Variants in MIS18BP1 observed in about 807,000 individuals in gnomAD.
MIS18BP1 encodes MIS18 binding protein 1, also known as mis18-binding protein 1.
A neutral mutation model predicts 116.1 loss-of-function variants in MIS18BP1; 72 were observed. That is an observed-to-expected ratio of 0.62 (90% CI 0.51 to 0.75). The LOEUF (loss-of-function observed/expected upper bound fraction) is 0.75, where lower values mean the gene tolerates loss of function less well. MIS18BP1 is among the 30% of genes least tolerant of loss of function. The pLI, the probability that MIS18BP1 is intolerant of heterozygous loss-of-function variation, is 0.00. For missense variants in MIS18BP1, 1,363 were observed against 1,303.2 expected, an observed-to-expected ratio of 1.05 and a Z score of -0.71; for synonymous variants, 386 against 427.0, an observed-to-expected ratio of 0.90 and a Z score of 1.18.
At chr14:45,216,912 G>A (rs1890833544) in intron 13 of MIS18BP1, 107 bp downstream of exon 13, 1 of 1,160,160 alleles carries the variant, frequency 8.6e-7, no homozygotes, top group Admixed American at 2.2e-5. Context: ...GTCTACGGAG[G>A]CTACTGATCC....
Position 45,215,993 on chromosome 14 carries a change from C to T in MIS18BP1, c.3003+1026G>A, listed in dbSNP as rs957253874. On this transcript the variant is annotated intron_variant, in intron 13 of 16. Transcript: ENST00000310806. The stretch of plus-strand genomic sequence containing the variant: ...TGCTGGGATTATAGGTGTGAGCCAC[C>T]GCACCTGTCCTTCAGCTAATCTTAA... Among the ~76,000 whole-genome samples the T allele has an allele frequency of 4.6e-5, 7 of 152,068 alleles. No individual in the cohort carries two copies. In the South Asian group the frequency reaches 1.2e-3, roughly 27 times the overall value.
intron 5 of MIS18BP1, among the ~76,000 whole-genome samples, chr14:45,236,992 A>G (rs1331213115): frequency 6.6e-6 from 1 of 151,220 alleles, no homozygotes; most frequent in African/African-American, 2.4e-5. Flanking sequence ...CTTACATATG[A>G]GTACCTTAAA....
intron 13 of MIS18BP1, among the ~76,000 whole-genome samples, chr14:45,214,287 G>A (rs1474352320): frequency 6.6e-6 from 1 of 152,354 alleles, no homozygotes; most frequent in East Asian, 1.9e-4. Flanking sequence ...TGAGATAGGA[G>A]AAAACCGCCT....
At chr14:45,235,463 C>T (rs917064612) in intron 6 of MIS18BP1, among the ~76,000 whole-genome samples, 4 of 151,176 alleles carry the variant, frequency 2.6e-5, no homozygotes, top group African/African-American at 9.7e-5. Context: ...TGGTGGCAGG[C>T]ACCTTAGTCC....
rs763039530 is a variant in MIS18BP1, at chr14:45,247,089, C to T, written c.198G>A (p.Met66Ile). The T allele has an allele frequency of 7.4e-6, 12 of 1,612,254 alleles. No individual in the cohort carries two copies. The highest frequency in any genetic ancestry group is 3.3e-4 in the Middle Eastern group (2 of 6,044). ...ATATATTTTTATTGTTAAAAGTTGT[C>T]ATTTTTAGGAACTGATTCTTTTTAT... Reference protein sequence around the residue: ...NDHKKNQFLKMTTFNNKNIFQ... With the variant: ...NDHKKNQFLKITTFNNKNIFQ... Residue 66 changes from methionine to isoleucine, a missense_variant, in exon 2 of 17, where the codon ATG becomes ATA. Met to Ile is a conservative substitution (Grantham distance 10, BLOSUM62 1). Transcript: ENST00000310806.
chr14:45,250,811 G>A (rs1891849281), intron 1 of MIS18BP1, among the ~76,000 whole-genome samples: 2 of 152,090 alleles, frequency 1.3e-5, no homozygotes, highest in South Asian at 4.1e-4. Context: ...GCGAATGACG[G>A]CGAATCACGA....
chr14:45,232,297 G>A (rs1055910605), intron 7 of MIS18BP1, among the ~76,000 whole-genome samples: 1 of 151,276 alleles, frequency 6.6e-6, no homozygotes, highest in Non-Finnish European at 1.5e-5. Context: ...GGCGCCTGTA[G>A]TCCCAGCTAC....
chr14:45,205,835 C>T (rs1890499774), intron 15 of MIS18BP1, among the ~76,000 whole-genome samples: 1 of 151,912 alleles, frequency 6.6e-6, no homozygotes, highest in Non-Finnish European at 1.5e-5. Flanking sequence ...TATATTTTTC[C>T]CACCCTTCAT....
chr14:45,219,483 G>A (rs1318071575), intron 11 of MIS18BP1, among the ~76,000 whole-genome samples: 1 of 151,484 alleles, frequency 6.6e-6, no homozygotes. Flanking sequence ...GAGGTGAAGA[G>A]TCTCAAGAGC....
At chr14:45,210,079 T>G (rs1594498463) in intron 14 of MIS18BP1, 1 of 216,548 alleles carries the variant, frequency 4.6e-6, no homozygotes, top group African/African-American at 2.3e-5. Flanking sequence ...ACTAATCTGG[T>G]ATTATAAAAT....
At chr14:45,217,894 C>A (rs1890867032) in intron 12 of MIS18BP1, among the ~76,000 whole-genome samples, 1 of 152,160 alleles carries the variant, frequency 6.6e-6, no homozygotes. Context: ...CATAATCAAC[C>A]TTTTACTAGT....
At chr14:45,205,959 ATTGTAAC>A (rs1890503833) in intron 15 of MIS18BP1, 117 bp downstream of exon 15, 1 of 597,414 alleles carries the variant, frequency 1.7e-6, no homozygotes, top group Non-Finnish European at 2.9e-6. Flanking sequence ...TGGCTTCATT[ATTGTAAC>A]TTGTTACATT....
At chr14:45,232,203 T>C (rs1891297442) in intron 7 of MIS18BP1, among the ~76,000 whole-genome samples, 2 of 149,748 alleles carry the variant, frequency 1.3e-5, no homozygotes, top group South Asian at 4.2e-4. Flanking sequence ...GATCAGGAGG[T>C]CAGGAGATCG....
At position 45,231,209 on chromosome 14, in the gene MIS18BP1, G is replaced by C; in HGVS notation, c.1526C>G (p.Ala509Gly). Residue 509 changes from alanine (A) to glycine (G), a missense_variant, in exon 8 of 17, where the codon GCA (alanine) becomes GGA (glycine). Ala to Gly is a moderately conservative substitution (Grantham distance 60). Transcript: ENST00000310806. Reference sequence around the variant, plus strand: ...AGCAGTATCTGTTTGGTTTTCTCGTGCATCATTTTTCATTGATTTCCTTAT... The same window carrying C: ...AGCAGTATCTGTTTGGTTTTCTCGTCCATCATTTTTCATTGATTTCCTTAT... ...RDIRKSMKND[A>G]RENQTDTAQR... The C allele has an allele frequency of 6.2e-7, 1 of 1,613,804 alleles. No individual in the cohort carries two copies. The highest frequency in any genetic ancestry group is 1.1e-5 in the South Asian group (1 of 91,058).
At chr14:45,222,150 T>C (rs1282313342) in intron 11 of MIS18BP1, among the ~76,000 whole-genome samples, 1 of 152,264 alleles carries the variant, frequency 6.6e-6, no homozygotes. Flanking sequence ...GTTTGTTGTA[T>C]ACAGCATATA....
chr14:45,246,000 T>C (rs1891713055), intron 2 of MIS18BP1, among the ~76,000 whole-genome samples: 1 of 152,210 alleles, frequency 6.6e-6, no homozygotes, highest in South Asian at 2.1e-4. Flanking sequence ...GCACATTTAC[T>C]ATCTGCACTA....
intron 11 of MIS18BP1, among the ~76,000 whole-genome samples, chr14:45,221,340 G>A (rs1890968825): frequency 6.6e-6 from 1 of 152,102 alleles, no homozygotes; most frequent in African/African-American, 2.4e-5. Context: ...GGGAGGCTGA[G>A]GCAGGAGAAT....
chr14:45,226,922 T>C (rs775688267), intron 9 of MIS18BP1, 86 bp from the exon 10 acceptor site: 55 of 1,103,522 alleles, frequency 5.0e-5, no homozygotes, highest in Non-Finnish European at 5.3e-5. Context: ...GCATCAAGCA[T>C]ACAAATTTCT....
chr14:45,206,714 T>TA (rs1890528475), intron 14 of MIS18BP1, among the ~76,000 whole-genome samples: 1 of 152,216 alleles, frequency 6.6e-6, no homozygotes, highest in Admixed American at 6.5e-5. Flanking sequence ...TCAAGACTAT[T>TA]TTGGGAAATT....
Sources: gnomAD v4.1 joint callset for allele counts (sites outside exome capture counted in the v4.1 genomes callset) on GRCh38, gnomAD v4.1.1 for gene constraint, MANE v1.5 for transcripts, NCBI Gene and HGNC (gene_info 2026-07-23, HGNC 2026-07-21) for gene names.